PPP2R5E: variants seen among roughly 807,000 people sequenced by gnomAD.
PPP2R5E encodes the protein protein phosphatase 2 regulatory subunit B'epsilon, also known as serine/threonine-protein phosphatase 2A 56 kDa regulatory subunit epsilon isoform.
Under a neutral mutation model 65.3 loss-of-function variants are expected in PPP2R5E, and 4 were observed. That is an observed-to-expected ratio of 0.06 (90% CI 0.03 to 0.14). The LOEUF (loss-of-function observed/expected upper bound fraction) is 0.14. Ranked by LOEUF, PPP2R5E falls within the 10% of genes least tolerant of loss-of-function variation. PPP2R5E has a pLI of 1.00. For synonymous variants in PPP2R5E, 183 were observed against 187.4 expected, an observed-to-expected ratio of 0.98 and a Z score of 0.19; for missense variants, 274 against 556.1, an observed-to-expected ratio of 0.49 and a Z score of 5.10.
rs963205928 is a variant in PPP2R5E, at chr14:63,430,072, C to A, written c.355-7978G>T. ...GAACCTTGAAAGAAAATAGGCAAAT[C>A]ATCAATATTTACCATGAATGTCATT... On this transcript the variant is annotated intron_variant, in intron 3 of 13. Transcript: ENST00000337537. Among the ~76,000 whole-genome samples, 3 of 151,892 alleles carry A rather than the reference C, an allele frequency of 2.0e-5. No individual in the cohort carries two copies. In the South Asian group the frequency reaches 6.2e-4, roughly 31 times the overall value.
chr14:63,486,639 C>A (rs78623442), intron 2 of PPP2R5E, among the ~76,000 whole-genome samples: 4,758 of 151,968 alleles, frequency 0.031, 225 homozygotes, highest in African/African-American at 0.11. Flanking sequence ...CTGTTTCCCA[C>A]CCTCCCATTT....
chr14:63,481,121 A>G (rs888812840), intron 2 of PPP2R5E, among the ~76,000 whole-genome samples: 1 of 152,224 alleles, frequency 6.6e-6, no homozygotes, highest in Non-Finnish European at 1.5e-5. Context: ...TGATGCTGCA[A>G]TAACAGAACA....
At chr14:63,480,283 C>T (rs902351377) in intron 2 of PPP2R5E, among the ~76,000 whole-genome samples, 3 of 152,000 alleles carry the variant, frequency 2.0e-5, no homozygotes, top group Admixed American at 1.3e-4. Flanking sequence ...CATGGTGAAA[C>T]TCTGTCTCTA....
intron 5 of PPP2R5E, among the ~76,000 whole-genome samples, chr14:63,407,815 G>A (rs1886175976): frequency 6.6e-6 from 1 of 152,138 alleles, no homozygotes. Flanking sequence ...CACTATGAAA[G>A]GGGATTTGGG....
At chr14:63,399,633 T>C (rs1410405595) in intron 5 of PPP2R5E, among the ~76,000 whole-genome samples, 1 of 152,026 alleles carries the variant, frequency 6.6e-6, no homozygotes, top group East Asian at 1.9e-4. Flanking sequence ...TTTTATGGTG[T>C]ATGAATTACA....
intron 2 of PPP2R5E, among the ~76,000 whole-genome samples, chr14:63,461,363 T>C (rs1241409658): frequency 6.6e-6 from 1 of 151,772 alleles, no homozygotes; most frequent in East Asian, 1.9e-4. Context: ...AAGCAGTTTG[T>C]CAATTTTTCT....
At chr14:63,433,101 G>A (rs1341696804) in intron 3 of PPP2R5E, among the ~76,000 whole-genome samples, 2 of 145,572 alleles carry the variant, frequency 1.4e-5, no homozygotes, top group Non-Finnish European at 3.0e-5. Flanking sequence ...GCAGTGGTGC[G>A]ATTACAGCTC....
intron 3 of PPP2R5E, among the ~76,000 whole-genome samples, chr14:63,430,502 T>C (rs951584847): frequency 7.9e-5 from 12 of 152,132 alleles, no homozygotes; most frequent in Non-Finnish European, 1.8e-4. Context: ...AATAATAACA[T>C]ATATAACGTC....
At chr14:63,404,437 C>A (rs1020297597) in intron 5 of PPP2R5E, among the ~76,000 whole-genome samples, 4 of 152,158 alleles carry the variant, frequency 2.6e-5, no homozygotes, top group Non-Finnish European at 5.9e-5. Context: ...AACTATCTTC[C>A]TCATACTTTC....
At chr14:63,406,749 A>T (rs1482782225) in intron 5 of PPP2R5E, among the ~76,000 whole-genome samples, 3 of 152,366 alleles carry the variant, frequency 2.0e-5, no homozygotes, top group Admixed American at 6.5e-5. Context: ...GATTGGAGGA[A>T]ATCAGTTGGC....
At chr14:63,518,945 G>A (rs1011138818) in intron 2 of PPP2R5E, among the ~76,000 whole-genome samples, 12 of 152,308 alleles carry the variant, frequency 7.9e-5, no homozygotes, top group Admixed American at 4.6e-4. Flanking sequence ...GAGGCCGGGC[G>A]CAGTGGCTCA....
At chr14:63,515,572 CCA>C (rs1320884609) in intron 2 of PPP2R5E, among the ~76,000 whole-genome samples, 2 of 151,898 alleles carry the variant, frequency 1.3e-5, no homozygotes, top group Admixed American at 6.6e-5. Context: ...ACTCTGTAGC[CCA>C]GACTGGTGTG....
intron 4 of PPP2R5E, among the ~76,000 whole-genome samples, chr14:63,420,613 C>T (rs74592988): frequency 2.6e-4 from 39 of 152,246 alleles, no homozygotes; most frequent in African/African-American, 7.7e-4. Context: ...AAATAGCACA[C>T]GTGTGTACTT....
At chr14:63,512,264 GCT>G (rs900142119) in intron 2 of PPP2R5E, among the ~76,000 whole-genome samples, 8 of 151,968 alleles carry the variant, frequency 5.3e-5, no homozygotes, top group African/African-American at 1.9e-4. Flanking sequence ...GAACAGTTAC[GCT>G]CTTTCCTTAT....
At chr14:63,457,496 G>A (rs991713105) in intron 2 of PPP2R5E, among the ~76,000 whole-genome samples, 3 of 152,064 alleles carry the variant, frequency 2.0e-5, no homozygotes, top group African/African-American at 7.2e-5. Context: ...AAAAACTTCA[G>A]AAGTCAAGAC....
At chr14:63,541,807 T>G (rs1006463196) in intron 1 of PPP2R5E, among the ~76,000 whole-genome samples, 13 of 152,202 alleles carry the variant, frequency 8.5e-5, no homozygotes, top group Admixed American at 5.2e-4. Context: ...TTTGGAAGTC[T>G]TCTTTGGTTT....
At chr14:63,486,632 T>C (rs1289417572) in intron 2 of PPP2R5E, among the ~76,000 whole-genome samples, 1 of 151,994 alleles carries the variant, frequency 6.6e-6, no homozygotes, top group Non-Finnish European at 1.5e-5. Context: ...TACTCCACTG[T>C]TTCCCACCCT....
In PPP2R5E at chr14:63,375,973, C is replaced by T. The variant is rs1357074244; in HGVS notation, c.*36G>A. 1.4e-6 allele frequency: 2 copies of T among 1,409,140 alleles called. No individual in the cohort carries two copies. The highest frequency in any genetic ancestry group is 2.0e-6 in the Non-Finnish European group (2 of 999,462). The allele number at this position is 1,409,140 out of a possible 1,614,324, so 87.3% of individuals were successfully genotyped here. A position where few individuals can be genotyped will look rare whatever the true frequency, so the allele number is the denominator to read the frequency against. On this transcript the variant is annotated 3_prime_UTR_variant, in exon 14 of 14. Coordinates refer to ENST00000337537, the MANE Select transcript of PPP2R5E (RefSeq NM_006246.5). ...CATCTTCTACTACATAAACGTGTGA[C>T]TCCACAGGTTAGTAATGTTGTTGTC...
At chr14:63,396,751 G>T (rs377520554) in intron 5 of PPP2R5E, 35 bp from the exon 6 acceptor site, 1 of 1,598,760 alleles carries the variant, frequency 6.3e-7, no homozygotes. Flanking sequence ...GCTGTCAAAG[G>T]CGGTTTCAGA....
Sources: gnomAD v4.1 joint callset for allele counts (sites outside exome capture counted in the v4.1 genomes callset) on GRCh38, gnomAD v4.1.1 for gene constraint, MANE v1.5 for transcripts, NCBI Gene and HGNC (gene_info 2026-07-23, HGNC 2026-07-21) for gene names.